Variants in TAF1 observed in about 807,000 individuals in gnomAD.
The protein encoded by TAF1 is transcription initiation factor TFIID subunit 1.
In TAF1, 2 loss-of-function variants were observed where a neutral mutation model predicts 138.5. The ratio of observed to expected loss-of-function variants is 0.01; its 90% CI spans 0.01 to 0.05. TAF1 has a LOEUF of 0.05. TAF1 is among the 10% of genes least tolerant of loss of function. The pLI is 1.00. For synonymous variants in TAF1, 437 were observed against 503.2 expected (o/e 0.87, Z 1.76); for missense variants, 709 against 1,478.0 (o/e 0.48, Z 8.53).
At chrX:71,489,290 G>A (rs1237331144) in intron 13 of TAF1, among the ~76,000 whole-genome samples, 1 of 110,896 alleles carries the variant, frequency 9.0e-6, no homozygotes, top group Non-Finnish European at 1.9e-5. Flanking sequence ...GATGTCAGAG[G>A]TCAGGTTTTT....
At chrX:71,454,131 G>A in intron 32 of TAF1, 39 bp from the exon 33 acceptor site, 1 of 1,144,973 alleles carries the variant, frequency 8.7e-7, no homozygotes, top group Non-Finnish European at 1.2e-6. Context: ...TCTGGAACAA[G>A]TCTGCAAAGA....
At chrX:71,517,998 C>A (rs2039854731) in intron 13 of TAF1, among the ~76,000 whole-genome samples, 1 of 110,306 alleles carries the variant, frequency 9.1e-6, no homozygotes, top group South Asian at 3.9e-4. Flanking sequence ...GCACAGTAGT[C>A]CCAGCACCTT....
chrX:71,520,375 A>G (rs1211941215), intron 13 of TAF1, among the ~76,000 whole-genome samples: 1 of 110,328 alleles, frequency 9.1e-6, no homozygotes, highest in Non-Finnish European at 1.9e-5. Context: ...GAGATTGCTC[A>G]TAACCCATTT....
rs1051551145 is a variant in TAF1, at chrX:71,377,027, A to G, written c.550A>G (p.Ser184Gly). ...SSLASEKVDF[S>G]SSSDSESEMG... ...TTTGGCCTCAGAGAAAGTGGACTTC[A>G]GTAGTTCCTCTGACTCAGAATCTGA... is the stretch of plus-strand genomic sequence containing the variant. The change falls in exon 5 of 38, where the codon AGT becomes GGT. Residue 184 changes from serine (S) to glycine (G), a missense_variant. Ser to Gly is a moderately conservative substitution (Grantham distance 56). This residue lies in a region of TAF1 where 123 missense variants were observed against 161.6 expected (regional missense o/e 0.76). Coordinates refer to ENST00000423759, the MANE Select transcript of TAF1 (RefSeq NM_004606.5). 5.8e-6 allele frequency: 7 copies of G among 1,209,940 alleles called. No individual in the cohort carries two copies. The highest frequency in any genetic ancestry group is 7.8e-6 in the Non-Finnish European group (7 of 895,305).
intron 24 of TAF1, among the ~76,000 whole-genome samples, chrX:71,399,104 T>C (rs1386431569): frequency 1.8e-5 from 2 of 110,052 alleles, no homozygotes; most frequent in Non-Finnish European, 3.8e-5. Context: ...CACACCCAGA[T>C]AATTTTTGTA....
downstream of TAF1, chrX:71,466,188 G>C (rs1274686384): frequency 9.0e-6 from 1 of 111,238 alleles, no homozygotes; most frequent in Non-Finnish European, 1.9e-5. Flanking sequence ...ATTTTGGTTG[G>C]GGGGATTGGG....
At chrX:71,526,247 AGATAATGT>A (rs1383837743) in intron 13 of TAF1, among the ~76,000 whole-genome samples, 1 of 112,270 alleles carries the variant, frequency 8.9e-6, no homozygotes, top group African/African-American at 3.2e-5. Flanking sequence ...GTTCTAACCA[AGATAATGT>A]TTACTAATCT....
chrX:71,472,555 A>T (rs2038908299), intron 13 of TAF1, among the ~76,000 whole-genome samples: 1 of 110,483 alleles, frequency 9.1e-6, no homozygotes, highest in African/African-American at 3.3e-5. Flanking sequence ...AACATGGTGA[A>T]ACCCTGTCTC....
At chrX:71,466,133 TG>T (rs2038748290), downstream of TAF1, 1 of 111,874 alleles carries the variant, frequency 8.9e-6, no homozygotes, top group South Asian at 3.7e-4. Context: ...GAGTAGGACT[TG>T]GCATTTGTGG....
In TAF1 at chrX:71,420,663, C is replaced by T. The variant is rs763269339; in HGVS notation, c.4385-646C>T. 30 of 1,168,991 alleles carry T rather than the reference C, an allele frequency of 2.6e-5. No homozygotes were observed. In the East Asian group the frequency reaches 8.4e-4, roughly 33 times the overall value. On this transcript the variant is annotated intron_variant, in intron 28 of 37. Coordinates refer to ENST00000423759, the MANE Select transcript of TAF1 (RefSeq NM_004606.5). ...GCTTCCAGCTCCGGATCCTCAATGG[C>T]GCTGTCTTCCGGGTCACCCTCGACC...
chrX:71,393,227 TGTG>T, intron 20 of TAF1, 71 bp from the exon 21 acceptor site: 31 of 805,939 alleles, frequency 3.8e-5, no homozygotes, highest in Non-Finnish European at 3.9e-5. Context: ...GAATGATTTG[TGTG>T]TGTGTGTGTG....
chrX:71,407,376 C>A (rs2035529808), intron 26 of TAF1, among the ~76,000 whole-genome samples, 198 bp from the exon 27 acceptor site: 2 of 109,764 alleles, frequency 1.8e-5, no homozygotes, highest in African/African-American at 6.7e-5. Flanking sequence ...TGCCACCACA[C>A]CCAGCTAATT....
chrX:71,399,567 CTT>C (rs35622645), intron 24 of TAF1, among the ~76,000 whole-genome samples: 91 of 28,938 alleles, frequency 3.1e-3, no homozygotes, highest in Middle Eastern at 0.042. Flanking sequence ...GTTATTTATT[CTT>C]TTTTTTTTTT....
At chrX:71,443,946 A>G (rs111472397) in intron 32 of TAF1, among the ~76,000 whole-genome samples, 1,885 of 111,307 alleles carry the variant, frequency 0.017, 42 homozygotes, top group African/African-American at 0.058. Flanking sequence ...CCTGAATTCC[A>G]GTGATCTGCC....
At chrX:71,446,219 C>G (rs1346053274) in intron 32 of TAF1, among the ~76,000 whole-genome samples, 1 of 111,082 alleles carries the variant, frequency 9.0e-6, no homozygotes, top group Non-Finnish European at 1.9e-5. Context: ...CCTAGTTGTT[C>G]ACTATTTTAT....
At chrX:71,526,497 G>C (rs1360364843) in intron 13 of TAF1, among the ~76,000 whole-genome samples, 1 of 112,134 alleles carries the variant, frequency 8.9e-6, no homozygotes, top group Non-Finnish European at 1.9e-5. Flanking sequence ...ACAAACCACA[G>C]ATGAAAATGA....
At chrX:71,488,840 G>T (rs2039221430) in intron 13 of TAF1, among the ~76,000 whole-genome samples, 1 of 109,883 alleles carries the variant, frequency 9.1e-6, no homozygotes, top group African/African-American at 3.3e-5. Flanking sequence ...GCCGAGGCAG[G>T]TGGATCACCT....
At chrX:71,422,206 T>G (rs1016247467) in intron 29 of TAF1, among the ~76,000 whole-genome samples, 1 of 111,728 alleles carries the variant, frequency 9.0e-6, no homozygotes. Context: ...TTTTTGTGTG[T>G]GTGGGGAGCT....
chrX:71,454,386 G>A (rs767912758), intron 33 of TAF1, 149 bp downstream of exon 33: 20 of 500,696 alleles, frequency 4.0e-5, no homozygotes, highest in African/African-American at 2.9e-4. Context: ...AATCATTTGA[G>A]CCTGGGAGGT....
Sources: allele counts gnomAD v4.1 joint callset (sites outside exome capture counted in the v4.1 genomes callset), GRCh38; gene constraint gnomAD v4.1.1; regional missense constraint gnomAD v4.1.1; transcripts MANE v1.5; gene names NCBI Gene and HGNC (gene_info 2026-07-23, HGNC 2026-07-21).